Variants in SGCD observed in about 807,000 individuals in gnomAD.
SGCD encodes the protein sarcoglycan delta.
A neutral mutation model predicts 36.6 loss-of-function variants in SGCD; 18 were observed. The ratio of observed to expected loss-of-function variants is 0.49; its 90% confidence interval spans 0.34 to 0.73. SGCD has a LOEUF of 0.73. SGCD is among the 30% of genes least tolerant of loss of function. SGCD has a pLI of 0.01. For synonymous variants in SGCD, 133 were observed against 130.6 expected (o/e 1.02, Z -0.12); for missense variants, 387 against 346.7 (o/e 1.12, Z -0.92).
At chr5:156,516,481 C>CA (rs1167143647) in intron 4 of SGCD, among the ~76,000 whole-genome samples, 1 of 152,054 alleles carries the variant, frequency 6.6e-6, no homozygotes, top group Non-Finnish European at 1.5e-5. Flanking sequence ...ACAACATCAA[C>CA]AAAAAAATAC....
At chr5:155,828,111 A>G in the SGCD span, among the ~76,000 whole-genome samples, 2 of 152,154 alleles carry the variant, frequency 1.3e-5, no homozygotes. Flanking sequence ...TAGTGACCTT[A>G]CAAGGGTTGT....
At chr5:156,454,180 T>A (rs542292510) in intron 3 of SGCD, among the ~76,000 whole-genome samples, 3 of 152,332 alleles carry the variant, frequency 2.0e-5, no homozygotes, top group African/African-American at 7.2e-5. Context: ...CAAAATGTTC[T>A]GTTTTGTTTC....
At chr5:156,028,067 A>G (rs1759263928) in intron 1 of SGCD, among the ~76,000 whole-genome samples, 1 of 152,196 alleles carries the variant, frequency 6.6e-6, no homozygotes, top group Non-Finnish European at 1.5e-5. Context: ...TAAAACTATC[A>G]CAATGGCAAT....
intron 6 of SGCD, among the ~76,000 whole-genome samples, chr5:156,631,222 A>G (rs959728066): frequency 6.6e-6 from 1 of 152,234 alleles, no homozygotes; most frequent in African/African-American, 2.4e-5. Flanking sequence ...TATACACAGT[A>G]CATTCCACTT....
At chr5:156,287,226 A>G (rs1023351852) in intron 3 of SGCD, among the ~76,000 whole-genome samples, 1 of 152,172 alleles carries the variant, frequency 6.6e-6, no homozygotes, top group African/African-American at 2.4e-5. Context: ...ACTTGATCAG[A>G]ATACAGAATC....
intron 1 of SGCD, among the ~76,000 whole-genome samples, chr5:156,061,919 C>CTT (rs757769130): frequency 0.011 from 753 of 71,714 alleles, 42 homozygotes; most frequent in African/African-American, 0.029. Flanking sequence ...GGAGTTTTCA[C>CTT]TTTTTTTTTT....
In SGCD at chr5:156,565,344, A is replaced by G. The variant is rs115111055; in HGVS notation, c.295-23887A>G. Among the ~76,000 whole-genome samples the G allele has an allele frequency of 2.5e-3, 379 of 152,260 alleles. 1 individual carries two copies. The highest frequency in any genetic ancestry group is 8.7e-3 in the African/African-American group (360 of 41,542). Reference sequence around the variant, plus strand: ...AATGTGTAAAATTAATTATAAGTGAAAGTCATTTCAATTTCAGTAATATTT... The same window carrying G: ...AATGTGTAAAATTAATTATAAGTGAGAGTCATTTCAATTTCAGTAATATTT... On this transcript the variant is annotated intron_variant, in intron 4 of 8. Transcript: ENST00000337851.
the SGCD span, among the ~76,000 whole-genome samples, chr5:155,806,721 T>C: frequency 2.0e-5 from 3 of 152,212 alleles, no homozygotes; most frequent in Non-Finnish European, 4.4e-5. Context: ...ATCATTATAA[T>C]TACTTGATAT....
rs56293737 is a variant in SGCD, at chr5:155,917,530, A to G, written c.-282+47106A>G. Among the ~76,000 whole-genome samples the G allele has an allele frequency of 9.0e-3, 1,371 of 152,334 alleles. 25 individuals carry two copies. Among genetic ancestry groups the G allele is most frequent in the African/African-American group, 0.031 (1,268 of 41,562 alleles). Reference sequence around the variant, plus strand: ...TTGACAAATAAAGAATATGTTTTCAATGGAAATAAAACATACAGCCTAACC... The same window carrying G: ...TTGACAAATAAAGAATATGTTTTCAGTGGAAATAAAACATACAGCCTAACC... On this transcript the variant is annotated intron_variant, in intron 1 of 9. Coordinates refer to the SGCD transcript ENST00000517913.
At chr5:156,271,525 TTG>T (rs1211681551) in intron 3 of SGCD, among the ~76,000 whole-genome samples, 1 of 152,234 alleles carries the variant, frequency 6.6e-6, no homozygotes, top group African/African-American at 2.4e-5. Context: ...TGTTTTTCAC[TTG>T]TATAAAACAT....
chr5:156,447,178 ACTCC>A (rs1409080782), intron 3 of SGCD, among the ~76,000 whole-genome samples: 1 of 152,036 alleles, frequency 6.6e-6, no homozygotes, highest in African/African-American at 2.4e-5. Context: ...ATTAATTTAC[ACTCC>A]TTCTACTTAC....
intron 3 of SGCD, among the ~76,000 whole-genome samples, chr5:156,185,101 A>C (rs1365222110): frequency 6.6e-6 from 1 of 152,090 alleles, no homozygotes; most frequent in Non-Finnish European, 1.5e-5. Flanking sequence ...GAATTCTAAA[A>C]ATAATTGAAA....
At chr5:156,252,741 A>T (rs1765615290) in intron 3 of SGCD, among the ~76,000 whole-genome samples, 1 of 152,214 alleles carries the variant, frequency 6.6e-6, no homozygotes, top group Non-Finnish European at 1.5e-5. Flanking sequence ...ATTCATGTGA[A>T]GTCTTAGTTT....
intron 8 of SGCD, among the ~76,000 whole-genome samples, chr5:156,758,940 AT>A (rs879457579): frequency 4.6e-5 from 7 of 152,236 alleles, no homozygotes; most frequent in Admixed American, 2.6e-4. Context: ...TTTCACATTT[AT>A]TTGACTCTAG....
intron 6 of SGCD, among the ~76,000 whole-genome samples, chr5:156,640,024 T>C (rs1448723580): frequency 6.6e-6 from 1 of 152,138 alleles, no homozygotes; most frequent in East Asian, 1.9e-4. Flanking sequence ...GTAATAGCAC[T>C]TCCCCAGCAA....
intron 3 of SGCD, among the ~76,000 whole-genome samples, chr5:156,287,574 C>T (rs1173430268): frequency 1.3e-5 from 2 of 151,784 alleles, no homozygotes; most frequent in Non-Finnish European, 2.9e-5. Context: ...TCTTCCTCAT[C>T]GGTTAGGTGG....
Position 156,218,819 on chromosome 5 carries a change from T to C in SGCD, c.-44+94800T>C, listed in dbSNP as rs78831599. Among the ~76,000 whole-genome samples the C allele has an allele frequency of 1.0e-2, 1,522 of 152,292 alleles. 29 individuals carry two copies. Among genetic ancestry groups the C allele is most frequent in the African/African-American group, 0.035 (1,443 of 41,558 alleles). ...AAATAGTGCATTAGCTTATTTTTAC[T>C]GTTTTCATGTTTATCTTAAATTTCC... On this transcript the variant is annotated intron_variant, in intron 3 of 9. Transcript: ENST00000517913.
At chr5:155,969,846 C>T (rs1459876308) in intron 1 of SGCD, among the ~76,000 whole-genome samples, 1 of 152,062 alleles carries the variant, frequency 6.6e-6, no homozygotes, top group African/African-American at 2.4e-5. Flanking sequence ...GTCCCCATGA[C>T]ATTGGTCAAG....
intron 4 of SGCD, among the ~76,000 whole-genome samples, chr5:156,570,396 A>T (rs1465219092): frequency 6.6e-6 from 1 of 152,346 alleles, no homozygotes; most frequent in South Asian, 2.1e-4. Context: ...GGTCAGCAGA[A>T]TCTATCATTT....
Sources: allele counts gnomAD v4.1 joint callset (sites outside exome capture counted in the v4.1 genomes callset), GRCh38; gene constraint gnomAD v4.1.1; transcripts MANE v1.5; gene names NCBI Gene and HGNC (gene_info 2026-07-23, HGNC 2026-07-21).